CNTN5: variants seen among roughly 807,000 people sequenced by gnomAD.
The protein encoded by CNTN5 is contactin-5.
Under a neutral mutation model 129.1 loss-of-function variants are expected in CNTN5, and 77 were observed. The ratio of observed to expected loss-of-function variants is 0.60; its 90% CI spans 0.50 to 0.72. The LOEUF is 0.72. CNTN5 is among the 30% of genes least tolerant of loss of function. The probability of loss-of-function intolerance (pLI) is 0.00; values close to 1 mark genes in which losing one functional copy is unlikely to be tolerated. For synonymous variants in CNTN5, 509 were observed against 465.6 expected (o/e 1.09, Z -1.20); for missense variants, 1,478 against 1,328.8 (o/e 1.11, Z -1.75).
intron 1 of CNTN5, among the ~76,000 whole-genome samples, chr11:99,109,712 C>G (rs1857696641): frequency 6.6e-6 from 1 of 152,040 alleles, no homozygotes; most frequent in Non-Finnish European, 1.5e-5. Context: ...TATTGCTTCC[C>G]TAGGCACAAT....
chr11:99,659,106 T>C (rs1185769419), intron 3 of CNTN5, among the ~76,000 whole-genome samples: 1 of 151,702 alleles, frequency 6.6e-6, no homozygotes, highest in Non-Finnish European at 1.5e-5. Context: ...CTTTGGAGGG[T>C]TGGGAATGAA....
At chr11:99,185,253 G>C (rs369052541) in intron 1 of CNTN5, among the ~76,000 whole-genome samples, 9 of 149,244 alleles carry the variant, frequency 6.0e-5, no homozygotes, top group African/African-American at 2.2e-4. Flanking sequence ...AGACTTATAT[G>C]AATAGGCTGA....
At chr11:99,952,643 C>A (rs1950704909) in intron 7 of CNTN5, among the ~76,000 whole-genome samples, 1 of 152,122 alleles carries the variant, frequency 6.6e-6, no homozygotes, top group Non-Finnish European at 1.5e-5. Context: ...GCTACCCTCT[C>A]ACCTCAGCCT....
chr11:100,167,503 G>T (rs1262682463), intron 13 of CNTN5, among the ~76,000 whole-genome samples: 1 of 151,710 alleles, frequency 6.6e-6, no homozygotes, highest in African/African-American at 2.4e-5. Flanking sequence ...ACACAAATAG[G>T]CCTGGAACTG....
chr11:99,525,244 G>A (rs1947441680), intron 2 of CNTN5, among the ~76,000 whole-genome samples: 1 of 151,872 alleles, frequency 6.6e-6, no homozygotes, highest in Non-Finnish European at 1.5e-5. Flanking sequence ...TAATGAATCT[G>A]GAAATGAAGG....
At chr11:100,293,635 G>C (rs1173663280) in intron 18 of CNTN5, among the ~76,000 whole-genome samples, 1 of 151,640 alleles carries the variant, frequency 6.6e-6, no homozygotes, top group Admixed American at 6.6e-5. Context: ...GGTATAATTA[G>C]TATCTCCATG....
chr11:99,830,962 C>G (rs945725187), intron 4 of CNTN5, among the ~76,000 whole-genome samples: 1 of 151,934 alleles, frequency 6.6e-6, no homozygotes, highest in African/African-American at 2.4e-5. Flanking sequence ...AATTTCTATA[C>G]CATGATAGTA....
chr11:99,979,596 A>G (rs564115874), intron 8 of CNTN5, among the ~76,000 whole-genome samples: 1 of 152,250 alleles, frequency 6.6e-6, no homozygotes, highest in South Asian at 2.1e-4. Flanking sequence ...TCTCTTCTTT[A>G]CCATAAGATC....
intron 1 of CNTN5, among the ~76,000 whole-genome samples, chr11:99,162,401 T>C (rs561733065): frequency 1.3e-5 from 2 of 152,218 alleles, no homozygotes; most frequent in African/African-American, 2.4e-5. Flanking sequence ...CTTGAGACCA[T>C]GAGGCAATAA....
chr11:99,928,798 T>C (rs117295647), intron 7 of CNTN5, among the ~76,000 whole-genome samples: 14,898 of 152,284 alleles, frequency 0.098, 1,099 homozygotes, highest in East Asian at 0.28. Context: ...CCTCATTACC[T>C]ATGCATATTT....
chr11:99,910,239 C>A (rs1357685606), intron 6 of CNTN5, among the ~76,000 whole-genome samples: 1 of 151,980 alleles, frequency 6.6e-6, no homozygotes, highest in African/African-American at 2.4e-5. Flanking sequence ...TGATCACAGA[C>A]CCACAAGTTT....
intron 6 of CNTN5, among the ~76,000 whole-genome samples, chr11:99,864,155 T>A (rs1156321134): frequency 6.6e-6 from 1 of 152,146 alleles, no homozygotes. Flanking sequence ...CTGAAGTTAA[T>A]GTTATTAATC....
Position 99,804,442 on chromosome 11 carries a change from A to G in CNTN5, c.56-15102A>G, listed in dbSNP as rs114039858. Among the ~76,000 whole-genome samples, 485 of 151,836 alleles carry G rather than the reference A, an allele frequency of 3.2e-3. 3 individuals carry two copies. Among genetic ancestry groups the G allele is most frequent in the African/African-American group, 0.011 (463 of 41,472 alleles). Reference sequence around the variant, plus strand: ...TTTACTCTTCAAAATTACTTTCTGAACTCTAACTTTATACTGAACATGTCA... The same window carrying G: ...TTTACTCTTCAAAATTACTTTCTGAGCTCTAACTTTATACTGAACATGTCA... On this transcript the variant is annotated intron_variant, in intron 3 of 24. Transcript: ENST00000524871.
At chr11:100,110,470 T>A (rs566599617) in intron 13 of CNTN5, among the ~76,000 whole-genome samples, 15 of 152,228 alleles carry the variant, frequency 9.9e-5, no homozygotes, top group African/African-American at 1.4e-4. Context: ...CTGAATTTTT[T>A]AAAAACAAGA....
chr11:99,676,814 AATTT>A (rs1292133092), intron 3 of CNTN5, among the ~76,000 whole-genome samples: 1 of 152,208 alleles, frequency 6.6e-6, no homozygotes, highest in Non-Finnish European at 1.5e-5. Flanking sequence ...TACAAAGGAA[AATTT>A]ATTACTGAAA....
intron 13 of CNTN5, among the ~76,000 whole-genome samples, chr11:100,154,184 A>G (rs1449194372): frequency 1.3e-5 from 2 of 151,972 alleles, no homozygotes; most frequent in Non-Finnish European, 2.9e-5. Flanking sequence ...TACTGCCGCT[A>G]ATGAGGACAT....
At chr11:99,277,978 C>T (rs1863521684) in intron 1 of CNTN5, among the ~76,000 whole-genome samples, 1 of 151,610 alleles carries the variant, frequency 6.6e-6, no homozygotes, top group Non-Finnish European at 1.5e-5. Flanking sequence ...GTCAATTTTT[C>T]ATAGACAGGT....
At chr11:99,586,259 G>T (rs1056792363) in intron 3 of CNTN5, among the ~76,000 whole-genome samples, 1 of 151,962 alleles carries the variant, frequency 6.6e-6, no homozygotes, top group East Asian at 1.9e-4. Flanking sequence ...CAAATATAAT[G>T]AAAACATTTG....
At chr11:99,505,139 C>A (rs61894111) in intron 2 of CNTN5, among the ~76,000 whole-genome samples, 25,058 of 151,948 alleles carry the variant, frequency 0.16, 2,323 homozygotes, top group East Asian at 0.37. Context: ...TCCCATTTCG[C>A]CCAAGTTATA....
Sources: gnomAD v4.1 joint callset for allele counts (sites outside exome capture counted in the v4.1 genomes callset) on GRCh38, gnomAD v4.1.1 for gene constraint, MANE v1.5 for transcripts, NCBI Gene and HGNC (gene_info 2026-07-23, HGNC 2026-07-21) for gene names.